Variants in CNTNAP2 observed in about 807,000 individuals in gnomAD.
CNTNAP2 encodes contactin-associated protein-like 2.
In CNTNAP2, 98 loss-of-function variants were observed where a neutral mutation model predicts 155.2. That is an observed-to-expected ratio of 0.63 (90% CI 0.54 to 0.75). The LOEUF is 0.75. CNTNAP2 is among the 30% of genes least tolerant of loss of function. The probability of loss-of-function intolerance (pLI) is 0.00; values close to 1 mark genes in which losing one functional copy is unlikely to be tolerated. For missense variants in CNTNAP2, 1,727 were observed against 1,688.1 expected, an observed-to-expected ratio of 1.02 and a Z score of -0.40; for synonymous variants, 651 against 631.2, an observed-to-expected ratio of 1.03 and a Z score of -0.47.
chr7:148,317,364 A>T, intron 21 of CNTNAP2, among the ~76,000 whole-genome samples: 1 of 151,998 alleles, frequency 6.6e-6, no homozygotes, highest in Non-Finnish European at 1.5e-5. Context: ...TCAAAAAAAA[A>T]AAATTCATGG....
chr7:146,859,047 G>A (rs1474430913), intron 3 of CNTNAP2, among the ~76,000 whole-genome samples: 2 of 152,102 alleles, frequency 1.3e-5, no homozygotes, highest in East Asian at 1.9e-4. Flanking sequence ...GTTGACTCAG[G>A]TCCTATAAAT....
chr7:147,681,251 C>A (rs1280862495), intron 13 of CNTNAP2, among the ~76,000 whole-genome samples: 1 of 151,918 alleles, frequency 6.6e-6, no homozygotes, highest in East Asian at 1.9e-4. Flanking sequence ...ACTTAAGAAG[C>A]TTTTCTTAAA....
intron 13 of CNTNAP2, among the ~76,000 whole-genome samples, chr7:147,770,485 T>A (rs1045726969): frequency 6.6e-6 from 1 of 152,008 alleles, no homozygotes; most frequent in Admixed American, 6.6e-5. Flanking sequence ...CGATAAAGAG[T>A]AGAATGGAAC....
chr7:147,656,518 T>C (rs561093464), intron 13 of CNTNAP2, among the ~76,000 whole-genome samples: 1 of 152,256 alleles, frequency 6.6e-6, no homozygotes, highest in East Asian at 1.9e-4. Context: ...TAAGAAGGCC[T>C]GAGGAGAAGG....
At chr7:146,533,107 CAAAAAAAAAAAAAAAA>C (rs553035616) in intron 1 of CNTNAP2, among the ~76,000 whole-genome samples, 1 of 47,836 alleles carries the variant, frequency 2.1e-5, no homozygotes, top group South Asian at 1.0e-3. Flanking sequence ...GACCCTGTCT[CAAAAAAAAAAAAAAAA>C]AAAAAAAAAA....
At chr7:148,246,303 T>C (rs1796261570) in intron 20 of CNTNAP2, among the ~76,000 whole-genome samples, 1 of 152,254 alleles carries the variant, frequency 6.6e-6, no homozygotes, top group Non-Finnish European at 1.5e-5. Context: ...ACTTTAACTA[T>C]ATTACAGTTA....
chr7:148,090,166 A>G (rs1803811292), intron 15 of CNTNAP2, among the ~76,000 whole-genome samples: 1 of 152,064 alleles, frequency 6.6e-6, no homozygotes, highest in South Asian at 2.1e-4. Context: ...AACAAAACAT[A>G]GGGAAAATGC....
chr7:146,559,358 A>G (rs1798246232), intron 1 of CNTNAP2, among the ~76,000 whole-genome samples: 3 of 152,104 alleles, frequency 2.0e-5, no homozygotes, highest in African/African-American at 7.2e-5. Context: ...TCACGAATTC[A>G]AGAGATAGAG....
chr7:146,989,171 G>T (rs1256287716), intron 3 of CNTNAP2, among the ~76,000 whole-genome samples: 1 of 152,072 alleles, frequency 6.6e-6, no homozygotes, highest in African/African-American at 2.4e-5. Context: ...GGAGCATGTA[G>T]GGGTGCTCTT....
chr7:147,386,054 C>T (rs1222373311), intron 9 of CNTNAP2, among the ~76,000 whole-genome samples: 1 of 152,324 alleles, frequency 6.6e-6, no homozygotes, highest in Non-Finnish European at 1.5e-5. Context: ...CTTCTGTTCT[C>T]TAAAGCAGCA....
chr7:146,505,660 G>A (rs920401125), intron 1 of CNTNAP2, among the ~76,000 whole-genome samples: 1 of 152,214 alleles, frequency 6.6e-6, no homozygotes, highest in African/African-American at 2.4e-5. Context: ...GACTATGATA[G>A]CCAACCATAC....
rs200514458 is a variant in CNTNAP2, at chr7:148,125,689, GTATA to G, written c.2554+7410_2554+7413del. Among the ~76,000 whole-genome samples, 713 of 118,476 alleles carry G rather than the reference GTATA, an allele frequency of 6.0e-3. 6 individuals are homozygous for G. The highest frequency in any genetic ancestry group is 0.023 in the African/African-American group (675 of 29,220). 77.7% of individuals were successfully genotyped at this position (118,476 alleles called of 152,430 possible). On this transcript the variant is annotated intron_variant, in intron 16 of 23. Coordinates refer to ENST00000361727, the MANE Select transcript of CNTNAP2 (RefSeq NM_014141.6). ...TGTGTGTGTGTGTGTGTGTGTGTGTGTATATATATATAGTTTTTTTTTTTTTTGG... is the reference window on the plus strand; with the variant it reads ...TGTGTGTGTGTGTGTGTGTGTGTGTGTATATATAGTTTTTTTTTTTTTTGG...
At chr7:147,115,331 G>T (rs1168913051) in intron 5 of CNTNAP2, among the ~76,000 whole-genome samples, 1 of 152,080 alleles carries the variant, frequency 6.6e-6, no homozygotes, top group Non-Finnish European at 1.5e-5. Flanking sequence ...TCTTACTGAG[G>T]TTCTCTGCAT....
chr7:146,881,411 A>AGACATC (rs998374214), intron 3 of CNTNAP2, among the ~76,000 whole-genome samples: 1 of 152,144 alleles, frequency 6.6e-6, no homozygotes, highest in African/African-American at 2.4e-5. Context: ...ATGGAAACCC[A>AGACATC]GACATCATAA....
At chr7:146,905,252 T>C (rs1001286564) in intron 3 of CNTNAP2, among the ~76,000 whole-genome samples, 1 of 151,980 alleles carries the variant, frequency 6.6e-6, no homozygotes, top group African/African-American at 2.4e-5. Context: ...TCCTTAGCCT[T>C]TGAGGGATGT....
intron 13 of CNTNAP2, among the ~76,000 whole-genome samples, chr7:147,717,451 TTTCATGGAAATGG>T (rs1796497994): frequency 6.6e-6 from 1 of 152,098 alleles, no homozygotes; most frequent in Non-Finnish European, 1.5e-5. Context: ...CAGTATCCCA[TTTCATGGAAATGG>T]GAACCAGATT....
chr7:148,204,139 TTAC>T (rs1454544514), intron 18 of CNTNAP2, among the ~76,000 whole-genome samples: 2 of 152,208 alleles, frequency 1.3e-5, no homozygotes, highest in Non-Finnish European at 2.9e-5. Flanking sequence ...TTGAATCCTG[TTAC>T]TTCCATTTGA....
chr7:146,616,989 A>G (rs1163235251), intron 1 of CNTNAP2, among the ~76,000 whole-genome samples: 2 of 151,318 alleles, frequency 1.3e-5, no homozygotes, highest in African/African-American at 2.4e-5. Flanking sequence ...TGTAATAGAA[A>G]AAGTGTGTAT....
intron 1 of CNTNAP2, among the ~76,000 whole-genome samples, chr7:146,492,321 C>G (rs1554440592): frequency 6.6e-6 from 1 of 151,978 alleles, no homozygotes; most frequent in Non-Finnish European, 1.5e-5. Context: ...TAGAATTTGA[C>G]AAGCCAACAT....
Sources: gnomAD v4.1 joint callset for allele counts (sites outside exome capture counted in the v4.1 genomes callset) on GRCh38, gnomAD v4.1.1 for gene constraint, MANE v1.5 for transcripts, NCBI Gene and HGNC (gene_info 2026-07-23, HGNC 2026-07-21) for gene names.